The following DPF3 variants were observed in gnomAD, a reference collection of about 807,000 sequenced individuals.
The protein encoded by DPF3 is zinc finger protein DPF3.
A neutral mutation model predicts 56.8 loss-of-function variants in DPF3; 18 were observed. The observed-to-expected ratio is 0.32, with a 90% CI of 0.22 to 0.47. The LOEUF (loss-of-function observed/expected upper bound fraction) is 0.47, where lower values mean the gene tolerates loss of function less well. DPF3 is among the 20% of genes least tolerant of loss of function. The probability of loss-of-function intolerance (pLI) is 1.00; values close to 1 mark genes in which losing one functional copy is unlikely to be tolerated. For synonymous variants in DPF3, 188 were observed against 180.2 expected, an observed-to-expected ratio of 1.04 and a Z score of -0.35; for missense variants, 403 against 488.8, an observed-to-expected ratio of 0.82 and a Z score of 1.65.
At chr14:72,822,289 G>C (rs536849607) in intron 1 of DPF3, among the ~76,000 whole-genome samples, 9 of 152,322 alleles carry the variant, frequency 5.9e-5, no homozygotes, top group Non-Finnish European at 1.3e-4. Context: ...GCTGAGGTGG[G>C]AGGATCACTT....
At chr14:72,808,897 C>A (rs182676418) in intron 1 of DPF3, among the ~76,000 whole-genome samples, 21 of 152,356 alleles carry the variant, frequency 1.4e-4, no homozygotes, top group Admixed American at 1.4e-3. Flanking sequence ...TCCAACCATA[C>A]TACCTACCTG....
intron 8 of DPF3, among the ~76,000 whole-genome samples, chr14:72,649,142 T>A (rs2153568380): frequency 6.6e-6 from 1 of 152,290 alleles, no homozygotes; most frequent in South Asian, 2.1e-4. Context: ...AGCATGAACC[T>A]CTTTCTGAAT....
intron 7 of DPF3, among the ~76,000 whole-genome samples, chr14:72,685,173 A>T (rs1269900167): frequency 3.3e-5 from 5 of 152,200 alleles, no homozygotes; most frequent in African/African-American, 1.2e-4. Flanking sequence ...ATGCAGCATG[A>T]TGCATTAGAC....
intron 1 of DPF3, among the ~76,000 whole-genome samples, chr14:72,829,351 C>A (rs1212977716): frequency 6.6e-6 from 1 of 152,192 alleles, no homozygotes; most frequent in Non-Finnish European, 1.5e-5. Context: ...GCCTTACTTA[C>A]AACATGAGAT....
chr14:72,710,578 C>T (rs1888607851), intron 6 of DPF3, among the ~76,000 whole-genome samples: 1 of 152,222 alleles, frequency 6.6e-6, no homozygotes, highest in Non-Finnish European at 1.5e-5. Flanking sequence ...TCAGAAAATG[C>T]AGGCCCCTTG....
At chr14:72,701,089 C>T (rs1009934581) in intron 6 of DPF3, among the ~76,000 whole-genome samples, 3 of 152,226 alleles carry the variant, frequency 2.0e-5, no homozygotes, top group Middle Eastern at 3.2e-3. Flanking sequence ...ATCTGTCGTG[C>T]GGAATCAGCC....
At chr14:72,755,406 GC>G (rs994092379) in intron 2 of DPF3, among the ~76,000 whole-genome samples, 1 of 152,130 alleles carries the variant, frequency 6.6e-6, no homozygotes, top group Non-Finnish European at 1.5e-5. Context: ...AGAAGAAGGG[GC>G]TGTTTTTGTT....
intron 1 of DPF3, among the ~76,000 whole-genome samples, chr14:72,884,971 T>TATATATATATATACATA (rs10523148): frequency 9.0e-6 from 1 of 111,686 alleles, no homozygotes; most frequent in Non-Finnish European, 1.9e-5. Flanking sequence ...TATATATATA[T>TATATATATATATACATA]TAGCCGGGCG....
intron 8 of DPF3, among the ~76,000 whole-genome samples, chr14:72,636,668 A>G (rs181028065): frequency 3.3e-4 from 50 of 152,340 alleles, no homozygotes; most frequent in Admixed American, 5.2e-4. Flanking sequence ...GCTGCTTCAC[A>G]TAATTATTTC....
At chr14:72,880,153 C>T (rs1185376027) in intron 1 of DPF3, among the ~76,000 whole-genome samples, 2 of 152,190 alleles carry the variant, frequency 1.3e-5, no homozygotes, top group Non-Finnish European at 2.9e-5. Flanking sequence ...TTACCATTGG[C>T]ATCACCAAAA....
intron 5 of DPF3, among the ~76,000 whole-genome samples, chr14:72,717,082 C>T (rs72728595): frequency 0.058 from 8,821 of 152,270 alleles, 346 homozygotes; most frequent in Non-Finnish European, 0.085. Flanking sequence ...CTACAACCCA[C>T]TTACACAGCC....
At chr14:72,761,877 A>G (rs1891081666) in intron 2 of DPF3, among the ~76,000 whole-genome samples, 1 of 151,882 alleles carries the variant, frequency 6.6e-6, no homozygotes, top group African/African-American at 2.4e-5. Context: ...ATAATATGCC[A>G]CCACAGATTC....
intron 1 of DPF3, among the ~76,000 whole-genome samples, chr14:72,834,095 T>C (rs1311290312): frequency 6.6e-6 from 1 of 151,874 alleles, no homozygotes; most frequent in Non-Finnish European, 1.5e-5. Flanking sequence ...GGCACGAGAA[T>C]TGAACCTGGG....
At chr14:72,741,648 A>G (rs1443682490) in intron 3 of DPF3, among the ~76,000 whole-genome samples, 1 of 152,156 alleles carries the variant, frequency 6.6e-6, no homozygotes, top group African/African-American at 2.4e-5. Context: ...CAAACACCAG[A>G]CATGTCTCTT....
intron 1 of DPF3, among the ~76,000 whole-genome samples, chr14:72,889,002 T>C (rs1172166257): frequency 6.6e-6 from 1 of 152,190 alleles, no homozygotes; most frequent in South Asian, 2.1e-4. Flanking sequence ...ATGCTGACCA[T>C]GACATTTTAT....
chr14:72,700,021 T>C (rs1888091391), intron 6 of DPF3, among the ~76,000 whole-genome samples: 1 of 152,212 alleles, frequency 6.6e-6, no homozygotes, highest in Non-Finnish European at 1.5e-5. Flanking sequence ...TTTACCAGCC[T>C]ATTCTGACTC....
chr14:72,710,476 T>G (rs1888604842), intron 6 of DPF3, among the ~76,000 whole-genome samples: 8 of 152,204 alleles, frequency 5.3e-5, no homozygotes, highest in Admixed American at 5.2e-4. Context: ...TAATAAGAGC[T>G]GAGCAGTCAG....
chr14:72,844,527 C>A (rs912022326), intron 1 of DPF3, among the ~76,000 whole-genome samples: 4 of 152,136 alleles, frequency 2.6e-5, no homozygotes, highest in African/African-American at 9.7e-5. Flanking sequence ...CCCAGGTGTT[C>A]AGGTTATTAA....
chr14:72,773,547 CACT>C, intron 1 of DPF3, among the ~76,000 whole-genome samples: 1 of 152,274 alleles, frequency 6.6e-6, no homozygotes, highest in East Asian at 1.9e-4. Flanking sequence ...GTACGACCAC[CACT>C]ACTATCCATT....
Sources: allele counts gnomAD v4.1 joint callset (sites outside exome capture counted in the v4.1 genomes callset), GRCh38; gene constraint gnomAD v4.1.1; transcripts MANE v1.5; gene names NCBI Gene and HGNC (gene_info 2026-07-23, HGNC 2026-07-21).